The following GRIK1 variants were observed in gnomAD, a reference collection of about 807,000 sequenced individuals.
The protein encoded by GRIK1 is glutamate ionotropic receptor kainate type subunit 1, also known as glutamate receptor ionotropic, kainate 1.
A neutral mutation model predicts 105.7 loss-of-function variants in GRIK1; 69 were observed. The observed-to-expected ratio is 0.65, with a 90% CI of 0.54 to 0.80. The LOEUF is 0.80. Ranked by LOEUF, GRIK1 falls within the 30% of genes least tolerant of loss-of-function variation. The pLI is 0.00. For synonymous variants in GRIK1, 438 were observed against 431.3 expected, an observed-to-expected ratio of 1.02 and a Z score of -0.19; for missense variants, 1,109 against 1,167.3, an observed-to-expected ratio of 0.95 and a Z score of 0.73.
At chr21:29,887,330 C>A (rs183127636) in intron 1 of GRIK1, among the ~76,000 whole-genome samples, 73 of 152,228 alleles carry the variant, frequency 4.8e-4, no homozygotes, top group African/African-American at 1.7e-3. Context: ...AAGTTCTAAC[C>A]TAACAATCCA....
chr21:29,614,105 C>T (rs1296646290), intron 7 of GRIK1, among the ~76,000 whole-genome samples: 3 of 152,108 alleles, frequency 2.0e-5, no homozygotes, highest in Admixed American at 6.6e-5. Flanking sequence ...TTTCCCCCAT[C>T]GTTTCCTAAA....
intron 15 of GRIK1, among the ~76,000 whole-genome samples, chr21:29,560,362 TTTCTTCCTTC>T (rs2090393338): frequency 2.0e-5 from 1 of 49,016 alleles, no homozygotes; most frequent in African/African-American, 9.2e-5. Context: ...TTTCTTTTTC[TTTCTTCCTTC>T]CTTCCTTCCT....
intron 1 of GRIK1, among the ~76,000 whole-genome samples, chr21:29,729,664 T>C (rs530159921): frequency 6.6e-6 from 1 of 152,252 alleles, no homozygotes; most frequent in East Asian, 1.9e-4. Context: ...ATCTAGTGAG[T>C]GTCCTGAAAC....
chr21:29,610,145 G>C (rs1375927964), intron 7 of GRIK1, among the ~76,000 whole-genome samples: 1 of 152,166 alleles, frequency 6.6e-6, no homozygotes, highest in Non-Finnish European at 1.5e-5. Context: ...AAATCTATCA[G>C]ATGTTGGGCA....
chr21:29,556,162 C>G (rs1173615897), intron 15 of GRIK1, among the ~76,000 whole-genome samples: 2 of 152,198 alleles, frequency 1.3e-5, no homozygotes, highest in Non-Finnish European at 2.9e-5. Flanking sequence ...TGTTAAGTCT[C>G]TACCCCGAAG....
chr21:29,752,443 G>T (rs1327522041), intron 1 of GRIK1, among the ~76,000 whole-genome samples: 1 of 152,184 alleles, frequency 6.6e-6, no homozygotes, highest in African/African-American at 2.4e-5. Context: ...GAGAACGTCT[G>T]CTTCTTCTTT....
intron 1 of GRIK1, among the ~76,000 whole-genome samples, chr21:29,908,153 A>G (rs897748950): frequency 2.0e-4 from 30 of 152,276 alleles, no homozygotes; most frequent in African/African-American, 4.8e-4. Context: ...TCCAATTTCT[A>G]TAGCCGAAAA....
rs78060798 is a variant in GRIK1 at position 29,769,830 on chromosome 21, A to G, written c.119-75767T>C. On this transcript the variant is annotated intron_variant, in intron 1 of 17. Coordinates refer to ENST00000327783, the MANE Select transcript of GRIK1 (RefSeq NM_001330994.2). ...CCAACCCTGCTAACATCTTGATTTCAGCCTTCTAGCCTTCAAAACTGCAGG... is the reference window on the plus strand; with the variant it reads ...CCAACCCTGCTAACATCTTGATTTCGGCCTTCTAGCCTTCAAAACTGCAGG... Among the ~76,000 whole-genome samples the G allele has an allele frequency of 2.8e-3, 424 of 152,274 alleles. 2 individuals are homozygous for G. Among genetic ancestry groups the G allele is most frequent in the African/African-American group, 9.7e-3 (404 of 41,556 alleles).
At chr21:29,878,216 T>A (rs1247763865) in intron 1 of GRIK1, among the ~76,000 whole-genome samples, 2 of 152,096 alleles carry the variant, frequency 1.3e-5, no homozygotes, top group Non-Finnish European at 2.9e-5. Context: ...GCTTGGTTTG[T>A]AGGTAGAAGA....
chr21:29,891,413 T>C (rs1029810279), intron 1 of GRIK1, among the ~76,000 whole-genome samples: 7 of 152,202 alleles, frequency 4.6e-5, no homozygotes, highest in African/African-American at 1.7e-4. Flanking sequence ...CTTTTACATT[T>C]GGATTTCATT....
At chr21:29,731,908 G>T (rs1485390665) in intron 1 of GRIK1, among the ~76,000 whole-genome samples, 1 of 152,042 alleles carries the variant, frequency 6.6e-6, no homozygotes, top group African/African-American at 2.4e-5. Context: ...TTTGATGTTT[G>T]TTCTTCCTTC....
At chr21:29,689,689 G>GCAGA in intron 3 of GRIK1, 39 bp downstream of exon 3, 1 of 1,593,256 alleles carries the variant, frequency 6.3e-7, no homozygotes, top group Non-Finnish European at 8.6e-7. Flanking sequence ...TTTGTTCAGA[G>GCAGA]CAGACATGGT....
intron 1 of GRIK1, among the ~76,000 whole-genome samples, chr21:29,920,759 T>G (rs1442390728): frequency 6.6e-6 from 1 of 152,042 alleles, no homozygotes; most frequent in East Asian, 1.9e-4. Flanking sequence ...ATTTTGTAAC[T>G]TGCTGTAGTG....
chr21:29,928,930 C>T (rs991866470), intron 1 of GRIK1, among the ~76,000 whole-genome samples: 75 of 152,266 alleles, frequency 4.9e-4, no homozygotes, highest in African/African-American at 1.8e-3. Flanking sequence ...CGAGGAAACT[C>T]CCACTGGGGC....
Position 29,703,649 on chromosome 21 carries a change from T to A in GRIK1, c.119-9586A>T, listed in dbSNP as rs574455720. 1.1e-4 allele frequency among the ~76,000 whole-genome samples: 17 copies of A among 152,306 alleles called. No homozygotes were observed. In the South Asian group the frequency reaches 3.5e-3, roughly 32 times the overall value. On this transcript the variant is annotated intron_variant, in intron 1 of 17. Coordinates refer to ENST00000327783, the MANE Select transcript of GRIK1 (RefSeq NM_001330994.2). ...TTCTTGGTAAAGATCCCATGCTAGA[T>A]GGATTTGGATGGGAAGCAGGTGTTT... is the stretch of plus-strand genomic sequence containing the variant.
intron 1 of GRIK1, among the ~76,000 whole-genome samples, chr21:29,707,110 C>T (rs542210150): frequency 6.6e-6 from 1 of 152,124 alleles, no homozygotes; most frequent in Non-Finnish European, 1.5e-5. Context: ...GTGATCCGCC[C>T]TCCTCGGCCT....
At chr21:29,857,341 C>T (rs1457497722) in intron 1 of GRIK1, among the ~76,000 whole-genome samples, 2 of 152,236 alleles carry the variant, frequency 1.3e-5, no homozygotes, top group Non-Finnish European at 2.9e-5. Flanking sequence ...TGATTTCACA[C>T]TGCCTTCCAA....
At chr21:29,781,620 T>TATC (rs375663281) in intron 1 of GRIK1, among the ~76,000 whole-genome samples, 227 of 151,134 alleles carry the variant, frequency 1.5e-3, no homozygotes, top group African/African-American at 5.3e-3. Flanking sequence ...TTCTCAGCAC[T>TATC]ATCCCTGTTC....
At chr21:29,613,628 C>T (rs1601267776) in intron 7 of GRIK1, among the ~76,000 whole-genome samples, 3 of 152,090 alleles carry the variant, frequency 2.0e-5, no homozygotes, top group African/African-American at 7.2e-5. Flanking sequence ...CACCCATATA[C>T]AGGAAATTAA....
Sources: allele counts gnomAD v4.1 joint callset (sites outside exome capture counted in the v4.1 genomes callset), GRCh38; gene constraint gnomAD v4.1.1; transcripts MANE v1.5; gene names NCBI Gene and HGNC (gene_info 2026-07-23, HGNC 2026-07-21).